Variants in HELLS observed in about 807,000 individuals in gnomAD.
HELLS encodes helicase, lymphoid specific.
Under a neutral mutation model 120.0 loss-of-function variants are expected in HELLS, and 32 were observed. The ratio of observed to expected loss-of-function variants is 0.27; its 90% CI spans 0.20 to 0.36. The LOEUF (loss-of-function observed/expected upper bound fraction) is 0.36. HELLS is among the 10% of genes least tolerant of loss of function. The pLI is 1.00. For synonymous variants in HELLS, 341 were observed against 323.4 expected, an observed-to-expected ratio of 1.05 and a Z score of -0.58; for missense variants, 650 against 993.4, an observed-to-expected ratio of 0.65 and a Z score of 4.65.
chr10:94,587,371 C>A (rs1431301616), intron 12 of HELLS, among the ~76,000 whole-genome samples: 2 of 152,036 alleles, frequency 1.3e-5, no homozygotes, highest in Non-Finnish European at 2.9e-5. Context: ...AATGGGGTAT[C>A]CATCCCTTCA....
At chr10:94,602,617 T>C (rs1224625931), downstream of HELLS, among the ~76,000 whole-genome samples, 7 of 152,158 alleles carry the variant, frequency 4.6e-5, no homozygotes, top group Non-Finnish European at 8.8e-5. Context: ...GATCAGATGA[T>C]CTGTTAAGGA....
At chr10:94,556,219 T>C (rs559095936) in intron 3 of HELLS, among the ~76,000 whole-genome samples, 3 of 152,232 alleles carry the variant, frequency 2.0e-5, no homozygotes, top group Non-Finnish European at 4.4e-5. Flanking sequence ...GCAGAAATGC[T>C]TGTTTGGTGT....
chr10:94,546,535 GT>G (rs765337153), intron 2 of HELLS, 37 bp downstream of exon 2: 36 of 1,612,546 alleles, frequency 2.2e-5, no homozygotes, highest in Non-Finnish European at 8.5e-7. Context: ...GTGAAAGCCT[GT>G]GGTAACCTCG....
At chr10:94,598,633 T>G (rs1368834165) in intron 21 of HELLS, among the ~76,000 whole-genome samples, 1 of 151,220 alleles carries the variant, frequency 6.6e-6, no homozygotes. Context: ...TTTAATCAGA[T>G]GTATTTTCCA....
At position 94,545,839 on chromosome 10, in the gene HELLS, G is replaced by C; in HGVS notation, c.-83G>C. The C allele has an allele frequency of 6.9e-7, 1 of 1,457,364 alleles. No homozygotes were observed. The highest frequency in any genetic ancestry group is 9.4e-7 in the Non-Finnish European group (1 of 1,060,908). The allele number at this position is 1,457,364 out of a possible 1,614,324, so 90.3% of individuals were successfully genotyped here. On this transcript the variant is annotated 5_prime_UTR_variant, in exon 1 of 22. Coordinates refer to ENST00000348459, the MANE Select transcript of HELLS (RefSeq NM_018063.5). ...GCGGGGGATTTGGCTAGAAGGCTGG[G>C]CCGGCAGCGGTTGTGAGGAGTTAGC...
exon 10 of HELLS, chr10:94,610,306 T>G (rs1846177882): frequency 6.6e-6 from 1 of 151,774 alleles, no homozygotes; most frequent in Non-Finnish European, 1.5e-5. Context: ...ATTAAAGAAA[T>G]AAATGAGGCC....
At position 94,593,484 on chromosome 10, in the gene HELLS, C is replaced by G. The variant is rs1448674882; in HGVS notation, c.1972-15C>G. ...TTATTTTAATCTGTTGTATTTACAT[C>G]CTTTTTGCTTTTAGATGCACAGCTT... On this transcript the variant is annotated splice_polypyrimidine_tract_variant and intron_variant, in intron 17 of 21. Transcript: ENST00000348459. 6.8e-7 allele frequency: 1 copy of G among 1,480,074 alleles called. No individual in the cohort carries two copies. Among genetic ancestry groups the G allele is most frequent in the African/African-American group, 1.4e-5 (1 of 72,218 alleles). 91.7% of individuals were successfully genotyped at this position (1,480,074 alleles called of 1,614,324 possible). A position where few individuals can be genotyped will look rare whatever the true frequency, so the allele number is the denominator to read the frequency against.
chr10:94,606,591 C>A (rs1044232481), downstream of HELLS, among the ~76,000 whole-genome samples: 2 of 152,122 alleles, frequency 1.3e-5, no homozygotes, highest in African/African-American at 4.8e-5. Context: ...CTCAGAGGGT[C>A]CTCCTATGTT....
At chr10:94,588,986 A>G (rs1564611346) in intron 13 of HELLS, among the ~76,000 whole-genome samples, 1 of 152,124 alleles carries the variant, frequency 6.6e-6, no homozygotes, top group South Asian at 2.1e-4. Context: ...TGTCTCTACT[A>G]AAAACACAAA....
In HELLS at chr10:94,590,471, T is replaced by A; in HGVS notation, c.1547T>A (p.Ile516Lys). ...CCAAAACGACGAACTAGAAAATCAA[T>A]AAATTACAGCAAAATAGATGATTTC... ...GRPKRRTRKS[I>K]NYSKIDDFPN... The change falls in exon 14 of 22, where the codon ATA becomes AAA. Residue 516 changes from isoleucine to lysine, a missense_variant. Ile to Lys is a moderately radical substitution (Grantham distance 102). Transcript: ENST00000348459. 1 of 1,612,650 alleles carries A rather than the reference T, an allele frequency of 6.2e-7. No individual in the cohort carries two copies. The highest frequency in any genetic ancestry group is 8.5e-7 in the Non-Finnish European group (1 of 1,179,654).
At chr10:94,549,594 C>G (rs552045389) in intron 2 of HELLS, among the ~76,000 whole-genome samples, 2 of 152,062 alleles carry the variant, frequency 1.3e-5, no homozygotes, top group African/African-American at 4.8e-5. Context: ...ACTCCTCCCA[C>G]CCCCCAATAA....
At chr10:94,611,897 A>G (rs1846196600) in exon 10 of HELLS, 1 of 152,208 alleles carries the variant, frequency 6.6e-6, no homozygotes, top group African/African-American at 2.4e-5. Flanking sequence ...GCAACATAAC[A>G]TAAATGTCAG....
At chr10:94,591,490 C>T (rs35134124) in intron 15 of HELLS, among the ~76,000 whole-genome samples, 30,937 of 152,114 alleles carry the variant, frequency 0.2, 3,300 homozygotes, top group South Asian at 0.34. Flanking sequence ...TAGGCTTTTC[C>T]ACTCCTGGCA....
intron 17 of HELLS, 43 bp downstream of exon 17, chr10:94,592,557 A>G: frequency 8.0e-7 from 1 of 1,242,480 alleles, no homozygotes. Context: ...TTCTTTTATA[A>G]TTCCTATCTT....
At chr10:94,604,684 C>T (rs893844259), downstream of HELLS, among the ~76,000 whole-genome samples, 13 of 152,058 alleles carry the variant, frequency 8.5e-5, no homozygotes, top group South Asian at 2.1e-4. Context: ...AGTTATATAA[C>T]TTTTGATTGG....
At chr10:94,609,385 A>G (rs1029043902) in intron 9 of HELLS, among the ~76,000 whole-genome samples, 1 of 152,120 alleles carries the variant, frequency 6.6e-6, no homozygotes, top group Admixed American at 6.5e-5. Context: ...CTTTTAGTTA[A>G]TAACCCCATC....
intron 2 of HELLS, chr10:94,550,940 A>G (rs1197449639): frequency 1.3e-5 from 2 of 152,160 alleles, no homozygotes; most frequent in African/African-American, 2.4e-5. Context: ...GGTATCAACT[A>G]TATCTAAGTT....
intron 4 of HELLS, among the ~76,000 whole-genome samples, chr10:94,560,086 G>T (rs1843475754): frequency 6.6e-6 from 1 of 152,136 alleles, no homozygotes; most frequent in East Asian, 2.0e-4. Flanking sequence ...AGGCTGGGAT[G>T]CAGTGGCGTG....
intron 19 of HELLS, among the ~76,000 whole-genome samples, chr10:94,595,752 ATAGC>A (rs1000931409): frequency 1.6e-4 from 24 of 152,340 alleles, no homozygotes; most frequent in African/African-American, 5.5e-4. Context: ...AAATGGCTTG[ATAGC>A]TACCTGAAGA....
Sources: allele counts gnomAD v4.1 joint callset (sites outside exome capture counted in the v4.1 genomes callset), GRCh38; gene constraint gnomAD v4.1.1; transcripts MANE v1.5; gene names NCBI Gene and HGNC (gene_info 2026-07-23, HGNC 2026-07-21).